Variants in LIN28B observed in about 807,000 individuals in gnomAD.
LIN28B encodes protein lin-28 homolog B.
Under a neutral mutation model 21.9 loss-of-function variants are expected in LIN28B, and 5 were observed. That is an observed-to-expected ratio of 0.23 (90% CI 0.12 to 0.48). The LOEUF (loss-of-function observed/expected upper bound fraction) is 0.48, where lower values mean the gene tolerates loss of function less well. Among genes scored for constraint, LIN28B ranks in the 20% least tolerant of loss-of-function variants. The pLI is 0.98. For missense variants in LIN28B, 245 were observed against 310.5 expected (o/e 0.79, Z 1.58); for synonymous variants, 109 against 111.3 (o/e 0.98, Z 0.13).
Position 104,958,199 on chromosome 6 carries a change from C to T in LIN28B, c.111C>T (p.Phe37=). 6.2e-7 allele frequency: 1 copy of T among 1,608,042 alleles called. No individual in the cohort carries two copies. ...GCGGAACTGGCCACTGTAAGTGGTT[C>T]AATGTGCGCATGGGATTTGGATTCA... The part of the protein sequence containing the change: ...VLRGTGHCKW[F]NVRMGFGFIS... The change falls in exon 2 of 4, where the codon TTC becomes TTT. Residue 37 remains phenylalanine, a synonymous_variant. Transcript: ENST00000345080.
chr6:104,960,339 G>A (rs1267796443), intron 2 of LIN28B, among the ~76,000 whole-genome samples: 1 of 152,134 alleles, frequency 6.6e-6, no homozygotes, highest in Admixed American at 6.5e-5. Flanking sequence ...GGTATTATGT[G>A]TGCATCACTT....
At chr6:104,941,582 A>G (rs1778095255) in intron 2 of LIN28B, 1 of 150,564 alleles carries the variant, frequency 6.6e-6, no homozygotes, top group Non-Finnish European at 1.5e-5. Context: ...CCGCGCCGCC[A>G]GAGGGCGTGC....
intron 2 of LIN28B, among the ~76,000 whole-genome samples, chr6:105,014,254 C>G (rs1409994255): frequency 6.6e-6 from 1 of 152,122 alleles, no homozygotes; most frequent in Admixed American, 6.5e-5. Context: ...CTCAAGTGAT[C>G]CTCCCACTTC....
At chr6:105,021,895 A>G (rs1771148641) in intron 2 of LIN28B, among the ~76,000 whole-genome samples, 1 of 152,174 alleles carries the variant, frequency 6.6e-6, no homozygotes, top group Admixed American at 6.5e-5. Context: ...GAAAGCCATG[A>G]CTAGGAGAGT....
At chr6:104,986,436 G>A (rs1770345066) in intron 2 of LIN28B, among the ~76,000 whole-genome samples, 1 of 150,308 alleles carries the variant, frequency 6.7e-6, no homozygotes, top group African/African-American at 2.4e-5. Context: ...GCATCTGGTA[G>A]TTTTAAGTTC....
intron 2 of LIN28B, among the ~76,000 whole-genome samples, chr6:105,017,089 AAAAAG>A (rs1217027262): frequency 2.0e-5 from 3 of 151,698 alleles, no homozygotes; most frequent in Non-Finnish European, 4.4e-5. Flanking sequence ...AAAAAAAAAA[AAAAAG>A]AAAGATAACA....
intron 2 of LIN28B, among the ~76,000 whole-genome samples, chr6:104,992,659 C>A (rs1346201657): frequency 1.3e-5 from 2 of 152,008 alleles, no homozygotes; most frequent in African/African-American, 4.8e-5. Context: ...TCATGTGCCA[C>A]CACATCTGGA....
chr6:105,079,187 G>A lies in LIN28B; in HGVS notation c.*404G>A, dbSNP rs969720082. 1 of 155,940 alleles carries A rather than the reference G, an allele frequency of 6.4e-6. No homozygotes were observed. The highest frequency in any genetic ancestry group is 2.4e-5 in the African/African-American group (1 of 41,446). 9.7% of individuals were successfully genotyped at this position (155,940 alleles called of 1,614,324 possible). On this transcript the variant is annotated 3_prime_UTR_variant, in exon 4 of 4. Coordinates refer to ENST00000345080, the MANE Select transcript of LIN28B (RefSeq NM_001004317.4). ...TTGAAAACCCATGTGAAGCATTATAGATAGTTTTAAATTTAACCCACTGGA... is the reference window on the plus strand; with the variant it reads ...TTGAAAACCCATGTGAAGCATTATAAATAGTTTTAAATTTAACCCACTGGA...
intron 2 of LIN28B, among the ~76,000 whole-genome samples, chr6:104,990,555 GTTTTTTA>G (rs971051656): frequency 1.2e-4 from 16 of 134,486 alleles, no homozygotes; most frequent in African/African-American, 3.8e-4. Context: ...TTTTAGTCTT[GTTTTTTA>G]TTTTTTATTT....
chr6:104,999,668 G>C (rs1459869426), intron 2 of LIN28B, among the ~76,000 whole-genome samples: 1 of 152,044 alleles, frequency 6.6e-6, no homozygotes, highest in South Asian at 2.1e-4. Flanking sequence ...CCTGTCTTAT[G>C]GTGCTGAACA....
At chr6:105,002,344 A>G (rs1180045945) in intron 2 of LIN28B, among the ~76,000 whole-genome samples, 1 of 152,112 alleles carries the variant, frequency 6.6e-6, no homozygotes. Flanking sequence ...GATATCTCAT[A>G]ATCACTATCT....
intron 3 of LIN28B, among the ~76,000 whole-genome samples, chr6:105,054,613 GGACT>G (rs1408292067): frequency 2.0e-5 from 3 of 152,192 alleles, no homozygotes; most frequent in Admixed American, 6.5e-5. Context: ...TACCGGAATG[GGACT>G]GACTAATTCT....
intron 2 of LIN28B, among the ~76,000 whole-genome samples, chr6:104,991,794 C>G (rs1049613168): frequency 6.6e-6 from 1 of 152,200 alleles, no homozygotes; most frequent in Non-Finnish European, 1.5e-5. Flanking sequence ...GCAGATCACT[C>G]GCGGTTAGGA....
At chr6:105,066,137 C>T (rs953380771) in intron 3 of LIN28B, among the ~76,000 whole-genome samples, 8 of 152,202 alleles carry the variant, frequency 5.3e-5, no homozygotes, top group African/African-American at 1.9e-4. Flanking sequence ...GGTGCCATTG[C>T]ACTCCAGTCT....
upstream of LIN28B, among the ~76,000 whole-genome samples, chr6:104,954,068 A>G (rs192479319): frequency 2.0e-5 from 3 of 152,294 alleles, no homozygotes; most frequent in African/African-American, 7.2e-5. Context: ...TCCCCCCAGT[A>G]CATTGACGAT....
At chr6:104,973,092 T>A (rs1238389897) in intron 2 of LIN28B, among the ~76,000 whole-genome samples, 1 of 150,356 alleles carries the variant, frequency 6.7e-6, no homozygotes, top group African/African-American at 2.5e-5. Flanking sequence ...GCCTGGGGGA[T>A]AGAGTGACAC....
intron 2 of LIN28B, among the ~76,000 whole-genome samples, chr6:104,984,873 A>C (rs1385992758): frequency 6.6e-6 from 1 of 152,204 alleles, no homozygotes; most frequent in Non-Finnish European, 1.5e-5. Context: ...ATATTTCCTA[A>C]ATTTTTGTGC....
chr6:104,960,948 C>T (rs961418474), intron 2 of LIN28B, among the ~76,000 whole-genome samples: 1 of 152,120 alleles, frequency 6.6e-6, no homozygotes, highest in African/African-American at 2.4e-5. Context: ...CAAAAAGAAA[C>T]ACATGCCTAG....
chr6:104,957,393 C>G, intron 1 of LIN28B, 133 bp downstream of exon 1: 1 of 608,552 alleles, frequency 1.6e-6, no homozygotes. Flanking sequence ...CTCCCAACCC[C>G]CCATCACGCA....
Sources: allele counts gnomAD v4.1 joint callset (sites outside exome capture counted in the v4.1 genomes callset), GRCh38; gene constraint gnomAD v4.1.1; transcripts MANE v1.5; gene names NCBI Gene and HGNC (gene_info 2026-07-23, HGNC 2026-07-21).